USP46: variants seen among roughly 807,000 people sequenced by gnomAD.
USP46 encodes ubiquitin carboxyl-terminal hydrolase 46.
In USP46, 12 loss-of-function variants were observed where a neutral mutation model predicts 44.4. The observed-to-expected ratio is 0.27, with a 90% CI of 0.17 to 0.44. The LOEUF (loss-of-function observed/expected upper bound fraction) is 0.44, where lower values mean the gene tolerates loss of function less well. Among genes scored for constraint, USP46 ranks in the 20% least tolerant of loss-of-function variants. The pLI, the probability that USP46 is intolerant of heterozygous loss-of-function variation, is 1.00. For missense variants in USP46, 248 were observed against 444.8 expected, an observed-to-expected ratio of 0.56 and a Z score of 3.98; for synonymous variants, 155 against 161.5, an observed-to-expected ratio of 0.96 and a Z score of 0.31.
At chr4:52,640,806 CAAAAAAA>C (rs757615381) in intron 1 of USP46, among the ~76,000 whole-genome samples, 2 of 82,618 alleles carry the variant, frequency 2.4e-5, no homozygotes, top group African/African-American at 8.8e-5. Context: ...AACTCCATCT[CAAAAAAA>C]AAAAAAAAAA....
intron 8 of USP46, among the ~76,000 whole-genome samples, chr4:52,598,352 T>TTA (rs558194527): frequency 6.2e-4 from 95 of 152,320 alleles, no homozygotes; most frequent in African/African-American, 2.3e-3. Flanking sequence ...GAAACAAGAC[T>TTA]TAGACTGAAG....
At chr4:52,607,723 G>C (rs550924195) in intron 5 of USP46, among the ~76,000 whole-genome samples, 1 of 152,216 alleles carries the variant, frequency 6.6e-6, no homozygotes, top group East Asian at 1.9e-4. Flanking sequence ...GAGAGTTCTT[G>C]CAAGATCTGG....
chr4:52,632,990 A>AAAGAAAAGAAAAAAAGAAAG, intron 1 of USP46, among the ~76,000 whole-genome samples: 1 of 66,292 alleles, frequency 1.5e-5, no homozygotes. Context: ...GAAAGAAAAG[A>AAAGAAAAGAAAAAAAGAAAG]AAAGAAAGAA....
intron 1 of USP46, among the ~76,000 whole-genome samples, chr4:52,646,912 G>A (rs1718567494): frequency 6.6e-6 from 1 of 152,218 alleles, no homozygotes; most frequent in Non-Finnish European, 1.5e-5. Flanking sequence ...GGCAGCCAGA[G>A]TCACACATAT....
intron 1 of USP46, among the ~76,000 whole-genome samples, chr4:52,651,958 A>G (rs1441916141): frequency 6.6e-6 from 1 of 152,060 alleles, no homozygotes; most frequent in Non-Finnish European, 1.5e-5. Context: ...GCATCTTCCA[A>G]TCCATCCCTA....
rs759397335 is a variant in USP46, at chr4:52,601,918, T to C, written c.859A>G (p.Ser287Gly). The C allele has an allele frequency of 1.2e-6, 2 of 1,613,842 alleles. No homozygotes were observed. Among genetic ancestry groups the C allele is most frequent in the Non-Finnish European group, 8.5e-7 (1 of 1,179,870 alleles). The change falls in exon 7 of 9, where the codon AGT (serine) becomes GGT (glycine). Residue 287 changes from serine (S) to glycine (G), a missense_variant. Physicochemically the swap from Ser to Gly is moderately conservative, Grantham distance 56. Around this residue, in one of 5 missense-constraint regions of USP46, gnomAD observed 98 missense variants for 218.2 expected, o/e 0.45. Transcript: ENST00000441222. ...PLELRLFNTS[S>G]DAVNLDRMYD... ...ATGCGGTCCAGGTTCACTGCATCACTGGAGGTGTTGAAGAGCCGGAGTTCC... is the reference window on the plus strand; with the variant it reads ...ATGCGGTCCAGGTTCACTGCATCACCGGAGGTGTTGAAGAGCCGGAGTTCC...
intron 2 of USP46, among the ~76,000 whole-genome samples, chr4:52,630,736 C>CAAAAA (rs10566870): frequency 5.4e-5 from 5 of 92,292 alleles, no homozygotes; most frequent in Admixed American, 1.1e-4. Flanking sequence ...GACTCTGTCT[C>CAAAAA]AAAAAAAAAA....
At chr4:52,612,746 G>C (rs1268422746) in intron 4 of USP46, among the ~76,000 whole-genome samples, 4 of 152,312 alleles carry the variant, frequency 2.6e-5, no homozygotes, top group African/African-American at 9.6e-5. Flanking sequence ...GTTTAGCTGA[G>C]TCCAGCCTAG....
chr4:52,659,172 C>G lies in USP46; in HGVS notation c.-22G>C, dbSNP rs1719076702. On this transcript the variant is annotated 5_prime_UTR_variant, in exon 1 of 9. Transcript: ENST00000441222. The surrounding 1 kb of genome is among the most constrained non-coding windows in gnomAD (Gnocchi z 4.2). ...TCATTAGTCTAAAGGTTGCAGCGAT[C>G]CCTCACCGCCATCTTTACAAGGGGA... The G allele has an allele frequency of 6.5e-7, 1 of 1,546,514 alleles. No homozygotes were observed. The highest frequency in any genetic ancestry group is 8.7e-7 in the Non-Finnish European group (1 of 1,146,604).
intron 7 of USP46, among the ~76,000 whole-genome samples, chr4:52,599,544 T>C (rs149312278): frequency 6.6e-6 from 1 of 152,244 alleles, no homozygotes; most frequent in East Asian, 1.9e-4. Flanking sequence ...GTATGATCTA[T>C]GCTTTAGAAA....
intron 1 of USP46, among the ~76,000 whole-genome samples, chr4:52,641,242 G>A (rs566741852): frequency 3.9e-5 from 6 of 152,072 alleles, no homozygotes; most frequent in Admixed American, 6.5e-5. Context: ...TCACAGGGTC[G>A]GGAAGCATAA....
chr4:52,594,855 T>C lies in USP46; in HGVS notation c.*2785A>G, dbSNP rs868772807. On this transcript the variant is annotated 3_prime_UTR_variant, in exon 9 of 9. Transcript: ENST00000441222. ...ACTAATGCCCTGCTTGTGTTGTGCC[T>C]CACTCTCTTTAGACCAGTCCATTTC... is the stretch of plus-strand genomic sequence containing the variant. 28 of 152,206 alleles carry C rather than the reference T, an allele frequency of 1.8e-4. 1 individual carries two copies. The highest frequency in any genetic ancestry group is 6.0e-4 in the African/African-American group (25 of 41,458). 9.4% of individuals were successfully genotyped at this position (152,206 alleles called of 1,614,324 possible). A position where few individuals can be genotyped will look rare whatever the true frequency, so the allele number is the denominator to read the frequency against.
rs191626390 is a variant in USP46, at chr4:52,629,131, C to T, written c.118-968G>A. Among the ~76,000 whole-genome samples, 10 of 152,252 alleles carry T rather than the reference C, an allele frequency of 6.6e-5. No homozygotes were observed. The East Asian group carries it at 1.7e-3, about 26-fold the overall frequency. On this transcript the variant is annotated intron_variant, in intron 2 of 8. Coordinates refer to ENST00000441222, the MANE Select transcript of USP46 (RefSeq NM_022832.4). Reference sequence around the variant, plus strand: ...TAAGATTAAAATAGAACATGAACACCTTCTCAAAACTGGTTGTTGGCTTGT... The same window carrying T: ...TAAGATTAAAATAGAACATGAACACTTTCTCAAAACTGGTTGTTGGCTTGT...
Position 52,654,884 on chromosome 4 carries a change from G to A in USP46, c.36+4231C>T, listed in dbSNP as rs1577702993. 9.2e-5 allele frequency among the ~76,000 whole-genome samples: 14 copies of A among 152,218 alleles called. No homozygotes were observed. The South Asian group carries it at 2.9e-3, about 32-fold the overall frequency. On this transcript the variant is annotated intron_variant, in intron 1 of 8. Transcript: ENST00000441222. ...GATTTTCATAAAGCCTTTATCTAAG[G>A]AATTCTACCATGAAGTTTTTCATGA...
intron 1 of USP46, among the ~76,000 whole-genome samples, chr4:52,633,398 T>C (rs1274369900): frequency 6.6e-6 from 1 of 152,008 alleles, no homozygotes; most frequent in Non-Finnish European, 1.5e-5. Context: ...AGTTGGGGAG[T>C]GCTCACTGCC....
Position 52,598,682 on chromosome 4 carries a change from G to A in USP46, c.945C>T (p.Ile315=). Residue 315 remains isoleucine, a synonymous_variant, in exon 8 of 9, where the codon ATC becomes ATT. Coordinates refer to ENST00000441222, the MANE Select transcript of USP46 (RefSeq NM_022832.4). ...AGAAGCCGTGACTTTTCACAATAGT[G>A]ATATAATGCCCACGATTAGGACCAC... ...CGSGPNRGHY[I]TIVKSHGFWL... The A allele has an allele frequency of 6.2e-7, 1 of 1,609,798 alleles. No homozygotes were observed. The highest frequency in any genetic ancestry group is 8.5e-7 in the Non-Finnish European group (1 of 1,178,240).
rs771936382 is a variant in USP46, at chr4:52,597,041, A to G, written c.*599T>C. 6.7e-4 allele frequency: 102 copies of G among 153,268 alleles called. No homozygotes were observed. Among genetic ancestry groups the G allele is most frequent in the Middle Eastern group, 3.4e-3 (1 of 296 alleles). The allele number at this position is 153,268 out of a possible 1,614,324, so 9.5% of individuals were successfully genotyped here. A position where few individuals can be genotyped will look rare whatever the true frequency, so the allele number is the denominator to read the frequency against. On this transcript the variant is annotated 3_prime_UTR_variant, in exon 9 of 9. Coordinates refer to ENST00000441222, the MANE Select transcript of USP46 (RefSeq NM_022832.4). ...CAGCCCAGTGCCAATGCCAGCCAAC[A>G]CCAGCCGCCACGGACAGCTTCTCTT... is the stretch of plus-strand genomic sequence containing the variant.
chr4:52,650,832 C>T (rs1474634823), intron 1 of USP46: 3 of 152,162 alleles, frequency 2.0e-5, no homozygotes, highest in South Asian at 2.1e-4. Flanking sequence ...GGTGCAGTGG[C>T]TCACGCCTGT....
chr4:52,605,276 CA>C (rs1268366088), intron 5 of USP46, among the ~76,000 whole-genome samples: 5 of 152,256 alleles, frequency 3.3e-5, no homozygotes, highest in Admixed American at 6.5e-5. Context: ...TTGTGTTTGT[CA>C]TATGTGTATC....
Sources: allele counts gnomAD v4.1 joint callset (sites outside exome capture counted in the v4.1 genomes callset), GRCh38; gene constraint gnomAD v4.1.1; regional missense constraint gnomAD v4.1.1; non-coding constraint Gnocchi (gnomAD v3.1); transcripts MANE v1.5; gene names NCBI Gene and HGNC (gene_info 2026-07-23, HGNC 2026-07-21).